POTEI: variants seen among roughly 807,000 people sequenced by gnomAD.
The protein encoded by POTEI is POTE ankyrin domain family, member I.
Under a neutral mutation model 43.4 loss-of-function variants are expected in POTEI, and 14 were observed. The observed-to-expected ratio is 0.32, with a 90% CI of 0.21 to 0.50. The LOEUF is 0.50. POTEI is among the 20% of genes least tolerant of loss of function. POTEI has a pLI of 0.98. For synonymous variants in POTEI, 95 were observed against 297.9 expected, an observed-to-expected ratio of 0.32 and a Z score of 7.01; for missense variants, 235 against 795.4, an observed-to-expected ratio of 0.30 and a Z score of 8.47.
chr2:130,508,753 G>A lies in POTEI; in HGVS notation c.483C>T (p.Leu161=). The A allele has an allele frequency of 7.5e-7, 1 of 1,339,246 alleles. No homozygotes were observed. Among genetic ancestry groups the A allele is most frequent in the South Asian group, 1.3e-5 (1 of 76,480 alleles). 83.0% of individuals were successfully genotyped at this position (1,339,246 alleles called of 1,614,324 possible). A position where few individuals can be genotyped will look rare whatever the true frequency, so the allele number is the denominator to read the frequency against. ...CCTGCTTGTTCACGTCAGTGTCCCT[G>A]AGCATGACGATCAGATCCTTTCTGG... ...KVARKDLIVM[L]RDTDVNKQDK... Residue 161 remains leucine (L), a synonymous_variant, in exon 1 of 15, where the codon CTC becomes CTT. Coordinates refer to ENST00000451531, the MANE Select transcript of POTEI (RefSeq NM_001277406.2).
At chr2:130,478,749 T>C (rs1449430493) in intron 10 of POTEI, among the ~76,000 whole-genome samples, 2 of 36,002 alleles carry the variant, frequency 5.6e-5, no homozygotes, top group African/African-American at 2.0e-4. Flanking sequence ...CCGATATTCA[T>C]CTTTATCTAT....
chr2:130,467,646 C>T (rs1391689200), intron 13 of POTEI, among the ~76,000 whole-genome samples: 9 of 151,998 alleles, frequency 5.9e-5, no homozygotes, highest in African/African-American at 1.9e-4. Context: ...TAAAAAGCTT[C>T]AGCACAGCAA....
intron 7 of POTEI, among the ~76,000 whole-genome samples, chr2:130,490,439 T>C (rs2105101694): frequency 5.1e-5 from 1 of 19,668 alleles, no homozygotes; most frequent in South Asian, 2.8e-3. Flanking sequence ...AATTTTATAG[T>C]GGTTATGTTT....
At chr2:130,477,171 T>G (rs1361262184) in intron 10 of POTEI, among the ~76,000 whole-genome samples, 15 of 151,356 alleles carry the variant, frequency 9.9e-5, no homozygotes, top group Non-Finnish European at 1.6e-4. Flanking sequence ...TTTTTTTTTT[T>G]TATGAACCAG....
At chr2:130,507,315 T>C (rs1231201761) in intron 1 of POTEI, among the ~76,000 whole-genome samples, 15 of 7,290 alleles carry the variant, frequency 2.1e-3, no homozygotes, top group African/African-American at 3.1e-3. Context: ...TATATATATA[T>C]ATACACACAC....
chr2:130,460,081 G>A lies in POTEI; in HGVS notation c.*2735C>T, dbSNP rs1474302479. ...TGTGCAGGCTGGTGCGTGGCTCTAG[G>A]GGCCACCTTGCTGCAGCTCTCCACT... is the stretch of plus-strand genomic sequence containing the variant. On this transcript the variant is annotated 3_prime_UTR_variant, in exon 15 of 15. Transcript: ENST00000451531. 7 of 150,638 alleles carry A rather than the reference G, an allele frequency of 4.6e-5. No individual in the cohort carries two copies. The East Asian group carries it at 5.9e-4, about 13-fold the overall frequency. The allele number at this position is 150,638 out of a possible 1,614,324, so 9.3% of individuals were successfully genotyped here. A position where few individuals can be genotyped will look rare whatever the true frequency, so the allele number is the denominator to read the frequency against.
chr2:130,477,463 C>G (rs1324368174), intron 10 of POTEI, among the ~76,000 whole-genome samples: 5 of 150,688 alleles, frequency 3.3e-5, no homozygotes, highest in African/African-American at 4.9e-5. Flanking sequence ...TGAAACAATG[C>G]TATGTGAAGT....
In POTEI at chr2:130,484,272, C is replaced by G. The variant is rs977738295; in HGVS notation, c.1410-2199G>C. ...CTAAGAAACGATGACATAAGGTTAACAGCGCTGATGTCAAGATACAAATAG... is the reference window on the plus strand; with the variant it reads ...CTAAGAAACGATGACATAAGGTTAAGAGCGCTGATGTCAAGATACAAATAG... On this transcript the variant is annotated intron_variant, in intron 9 of 14. Transcript: ENST00000451531. Among the ~76,000 whole-genome samples, 94 of 149,308 alleles carry G rather than the reference C, an allele frequency of 6.3e-4. 2 individuals carry two copies. Among genetic ancestry groups the G allele is most frequent in the Admixed American group, 6.2e-3 (93 of 14,990 alleles).
chr2:130,508,954 G>A lies in POTEI; in HGVS notation c.282C>T (p.Leu94=), dbSNP rs751983104. Residue 94 remains leucine (L), a synonymous_variant, in exon 1 of 15, where the codon CTC becomes CTT. Coordinates refer to ENST00000451531, the MANE Select transcript of POTEI (RefSeq NM_001277406.2). ...AGCACCACTTGCCCATCTTGCTCCTGAGCGTCTTCATAGCGGAGTCGTCGT... is the reference window on the plus strand; with the variant it reads ...AGCACCACTTGCCCATCTTGCTCCTAAGCGTCTTCATAGCGGAGTCGTCGT... ...GDHDDSAMKT[L]RSKMGKWCCH... The A allele has an allele frequency of 1.3e-6, 2 of 1,590,988 alleles. No homozygotes were observed. Among genetic ancestry groups the A allele is most frequent in the East Asian group, 4.8e-5 (2 of 41,618 alleles).
intron 10 of POTEI, among the ~76,000 whole-genome samples, chr2:130,477,469 GA>G (rs1404103327): frequency 1.3e-5 from 2 of 150,574 alleles, no homozygotes; most frequent in Non-Finnish European, 2.9e-5. Flanking sequence ...AATGCTATGT[GA>G]AGTCTTCCTT....
Position 130,477,871 on chromosome 2 carries a change from G to T in POTEI, c.1481-1170C>A, listed in dbSNP as rs79815312. On this transcript the variant is annotated intron_variant, in intron 10 of 14. Coordinates refer to ENST00000451531, the MANE Select transcript of POTEI (RefSeq NM_001277406.2). ...CATGCAGCAGCAAGAGCGGGAGCGA[G>T]GCCTGAAAGAGTGAAAGTATTTGCC... is the stretch of plus-strand genomic sequence containing the variant. Among the ~76,000 whole-genome samples, 19 of 142,076 alleles carry T rather than the reference G, an allele frequency of 1.3e-4. 1 individual carries two copies. The highest frequency in any genetic ancestry group is 2.7e-4 in the Non-Finnish European group (18 of 66,702). The allele number at this position is 142,076 out of a possible 152,430, so 93.2% of individuals were successfully genotyped here.
intron 10 of POTEI, among the ~76,000 whole-genome samples, chr2:130,480,400 C>A (rs550876308): frequency 7.3e-5 from 11 of 151,038 alleles, no homozygotes; most frequent in Admixed American, 7.3e-4. Context: ...TTGGTAATAG[C>A]AAAAGTGAAC....
chr2:130,483,931 A>G (rs1419808789), intron 9 of POTEI, among the ~76,000 whole-genome samples: 1 of 150,670 alleles, frequency 6.6e-6, no homozygotes, highest in Non-Finnish European at 1.5e-5. Context: ...TACACAGGAT[A>G]AACTCCATTC....
chr2:130,482,455 A>C (rs1236171069), intron 9 of POTEI, among the ~76,000 whole-genome samples: 1 of 150,536 alleles, frequency 6.6e-6, no homozygotes, highest in Non-Finnish European at 1.5e-5. Context: ...GCCTTATTTT[A>C]CTAGGTTGTT....
Position 130,508,841 on chromosome 2 carries a change from C to G in POTEI, c.395G>C (p.Arg132Thr). The change falls in exon 1 of 15, where the codon AGA (arginine) becomes ACA (threonine). Residue 132 changes from arginine to threonine, a missense_variant. Physicochemically the swap from Arg to Thr is moderately conservative, Grantham distance 71 (BLOSUM62 -1). Coordinates refer to ENST00000451531, the MANE Select transcript of POTEI (RefSeq NM_001277406.2). ...DYDDSAFVEP[R>T]YHVRREDLDK... ...CAGATCTTCTCGACGGACGTGGTAT[C>G]TCGGCTCCACGAAGGCGCTGTCGTC... 6.4e-7 allele frequency: 1 copy of G among 1,554,334 alleles called. No homozygotes were observed. Among genetic ancestry groups the G allele is most frequent in the Non-Finnish European group, 8.6e-7 (1 of 1,156,968 alleles).
intron 1 of POTEI, among the ~76,000 whole-genome samples, chr2:130,507,285 T>G (rs1423994844): frequency 9.0e-4 from 6 of 6,644 alleles, no homozygotes; most frequent in African/African-American, 1.1e-3. Context: ...TATATATATA[T>G]ATATATATAT....
intron 9 of POTEI, among the ~76,000 whole-genome samples, chr2:130,482,326 A>G (rs1683416333): frequency 6.8e-6 from 1 of 147,470 alleles, no homozygotes; most frequent in Admixed American, 6.7e-5. Context: ...TTAGCCTGAC[A>G]TAATAGAAAG....
rs1683879365 is a variant in POTEI, at chr2:130,495,207, T to A, written c.1126+1345A>T. 4.3e-5 allele frequency among the ~76,000 whole-genome samples: 2 copies of A among 46,630 alleles called. 1 individual carries two copies. Among genetic ancestry groups the A allele is most frequent in the Non-Finnish European group, 1.1e-4 (2 of 18,698 alleles). The allele number at this position is 46,630 out of a possible 152,430, so 30.6% of individuals were successfully genotyped here. On this transcript the variant is annotated intron_variant, in intron 6 of 14. Transcript: ENST00000451531. ...CATTCCTCATATGTCTGGCACATAA[T>A]CAATATATAATAAATCATAATTATA...
chr2:130,484,911 A>G (rs1478820162), intron 9 of POTEI, among the ~76,000 whole-genome samples: 11 of 151,658 alleles, frequency 7.3e-5, no homozygotes, highest in African/African-American at 2.2e-4. Flanking sequence ...TAGACCTGAC[A>G]AGATTTACTG....
Sources: gnomAD v4.1 joint callset for allele counts (sites outside exome capture counted in the v4.1 genomes callset) on GRCh38, gnomAD v4.1.1 for gene constraint, MANE v1.5 for transcripts, NCBI Gene and HGNC (gene_info 2026-07-23, HGNC 2026-07-21) for gene names.